Variants in AAAS observed in about 807,000 individuals in gnomAD.
AAAS encodes the protein aladin WD repeat nucleoporin.
In AAAS, 60 loss-of-function variants were observed where a neutral mutation model predicts 75.6. The ratio of observed to expected loss-of-function variants is 0.79; its 90% CI spans 0.64 to 0.98. The LOEUF (loss-of-function observed/expected upper bound fraction) is 0.98, where lower values mean the gene tolerates loss of function less well. Ranked by LOEUF, AAAS falls within the 50% of genes least tolerant of loss-of-function variation. AAAS has a pLI of 0.00. For missense variants in AAAS, 658 were observed against 686.9 expected (o/e 0.96, Z 0.47); for synonymous variants, 271 against 265.0 (o/e 1.02, Z -0.22).
chr12:53,316,937 G>A (rs1026059726), intron 2 of AAAS, among the ~76,000 whole-genome samples: 20 of 151,812 alleles, frequency 1.3e-4, no homozygotes, highest in African/African-American at 4.6e-4. Flanking sequence ...ACAAAACTTA[G>A]GCAGGTGTGG....
rs562064426 is a variant in AAAS at position 53,314,605 on chromosome 12, G to A, written c.545+146C>T. On this transcript the variant is annotated intron_variant, in intron 6 of 15. Coordinates refer to ENST00000209873, the MANE Select transcript of AAAS (RefSeq NM_015665.6). Reference sequence around the variant, plus strand: ...TAAAGGTTAGGTCTAGAAGAAGCACGCATCCAGTTATGGAGCTTCCCTGAC... The same window carrying A: ...TAAAGGTTAGGTCTAGAAGAAGCACACATCCAGTTATGGAGCTTCCCTGAC... 1.4e-4 allele frequency: 187 copies of A among 1,309,358 alleles called. No homozygotes were observed. In the Middle Eastern group the frequency reaches 1.5e-3, roughly 11 times the overall value. 81.1% of individuals were successfully genotyped at this position (1,309,358 alleles called of 1,614,324 possible).
chr12:53,309,684 C>T lies in AAAS; in HGVS notation c.727G>A (p.Gly243Arg). The T allele has an allele frequency of 6.2e-7, 1 of 1,613,308 alleles. No individual in the cohort carries two copies. ...GCCAAGCTGGTAACAGGTGTATGCC[C>T]AGGGTGAGACAGCACTTGGGCACAG... ...SGCAQVLSHP[G>R]HTPVTSLAWA... The change falls in exon 8 of 16, where the codon GGG becomes AGG. Residue 243 changes from glycine to arginine, a missense_variant. Coordinates refer to ENST00000209873, the MANE Select transcript of AAAS (RefSeq NM_015665.6).
rs1170539111 is a variant in AAAS at position 53,320,495 on chromosome 12, G to T, written c.251+70C>A. 5 of 1,596,154 alleles carry T rather than the reference G, an allele frequency of 3.1e-6. No homozygotes were observed. The African/African-American group carries it at 4.0e-5, about 13-fold the overall frequency. On this transcript the variant is annotated intron_variant, in intron 2 of 15. Coordinates refer to ENST00000209873, the MANE Select transcript of AAAS (RefSeq NM_015665.6). ...AAAGTCTTTTGAAGAACACCCCAAGGTAAAGGGGTGTTGACTCATTTTCCA... is the reference window on the plus strand; with the variant it reads ...AAAGTCTTTTGAAGAACACCCCAAGTTAAAGGGGTGTTGACTCATTTTCCA...
At chr12:53,315,229 C>T (rs1944444063) in intron 4 of AAAS, 89 bp from the exon 5 acceptor site, 2 of 1,595,892 alleles carry the variant, frequency 1.3e-6, no homozygotes, top group Admixed American at 1.7e-5. Context: ...CCACTCCTAC[C>T]CTCTGAAGTC....
chr12:53,320,655 G>T lies in AAAS; in HGVS notation c.161C>A (p.Pro54His). ...NLPVLQLTKD[P>H]LKTPGRLDHG... is the part of the protein sequence containing the mutation. ...GTCCAGCCTTCCAGGGGTCTTTAGG[G>T]GATCCTTTGTCAGTTGTAGGACAGG... The change falls in exon 2 of 16, where the codon CCC becomes CAC. Residue 54 changes from proline (P) to histidine (H), a missense_variant. Transcript: ENST00000209873. 1.2e-6 allele frequency: 2 copies of T among 1,614,148 alleles called. No homozygotes were observed. Among genetic ancestry groups the T allele is most frequent in the South Asian group, 1.1e-5 (1 of 91,082 alleles).
chr12:53,314,632 CCA>C, intron 6 of AAAS, 117 bp downstream of exon 6: 1 of 1,335,852 alleles, frequency 7.5e-7, no homozygotes, highest in East Asian at 2.5e-5. Flanking sequence ...TTCCCTGACC[CCA>C]GTTCTGGAAG....
At chr12:53,317,606 G>A (rs1944484440) in intron 2 of AAAS, among the ~76,000 whole-genome samples, 1 of 151,916 alleles carries the variant, frequency 6.6e-6, no homozygotes, top group Non-Finnish European at 1.5e-5. Flanking sequence ...AACCAGGCGT[G>A]GTGGTGTGCA....
chr12:53,309,167 C>A lies in AAAS; in HGVS notation c.925G>T (p.Ala309Ser). ...GSKILATTPS[A>S]VFRVWEAQMW... ...CCTTGTCCCACTCACCGAAAGACAGCTGAAGGAGTGGTAGCCAGGATTTTG... is the reference window on the plus strand; with the variant it reads ...CCTTGTCCCACTCACCGAAAGACAGATGAAGGAGTGGTAGCCAGGATTTTG... The change falls in exon 9 of 16, where the codon GCT (alanine) becomes TCT (serine). Residue 309 changes from alanine to serine, a missense_variant. Ala to Ser is a moderately conservative substitution (Grantham distance 99, BLOSUM62 1). Coordinates refer to ENST00000209873, the MANE Select transcript of AAAS (RefSeq NM_015665.6). The A allele has an allele frequency of 1.2e-6, 2 of 1,614,204 alleles. No homozygotes were observed. The highest frequency in any genetic ancestry group is 1.7e-6 in the Non-Finnish European group (2 of 1,180,044).
chr12:53,317,316 G>T (rs1329786147), intron 2 of AAAS, among the ~76,000 whole-genome samples: 1 of 152,008 alleles, frequency 6.6e-6, no homozygotes, highest in African/African-American at 2.4e-5. Flanking sequence ...CCAGCACTTT[G>T]GGAGGCTGAG....
At chr12:53,319,727 CAG>C (rs1944521805) in intron 2 of AAAS, among the ~76,000 whole-genome samples, 1 of 146,950 alleles carries the variant, frequency 6.8e-6, no homozygotes, top group Admixed American at 6.9e-5. Flanking sequence ...CTGCTTGAAC[CAG>C]AGAGGCGGAG....
intron 3 of AAAS, 87 bp downstream of exon 3, chr12:53,315,640 T>G: frequency 2.6e-6 from 4 of 1,510,396 alleles, no homozygotes; most frequent in Non-Finnish European, 3.6e-6. Context: ...TAAAAGAGGC[T>G]GAGCCAACAG....
intron 7 of AAAS, among the ~76,000 whole-genome samples, chr12:53,313,102 C>T (rs573568025): frequency 2.0e-5 from 3 of 150,974 alleles, no homozygotes; most frequent in East Asian, 1.9e-4. Flanking sequence ...ATGATCCACC[C>T]GCCTCAGCCT....
At chr12:53,313,670 A>G (rs565952852) in intron 7 of AAAS, among the ~76,000 whole-genome samples, 3 of 150,854 alleles carry the variant, frequency 2.0e-5, no homozygotes, top group Admixed American at 2.0e-4. Flanking sequence ...GTACAGTGGC[A>G]TGATCTTGGC....
Position 53,314,846 on chromosome 12 carries a change from G to C in AAAS, c.450C>G (p.Ser150=). The change falls in exon 6 of 16, where the codon TCC becomes TCG. Residue 150 remains serine (S), a synonymous_variant. Transcript: ENST00000209873. Reference sequence around the variant, plus strand: ...ATGCAAAGACACGCAAGCAGCAGCTGGACCTAAGGAAGGGGTTAACATGAA... The same window carrying C: ...ATGCAAAGACACGCAAGCAGCAGCTCGACCTAAGGAAGGGGTTAACATGAA... The part of the protein sequence containing the change: ...IAEFAQVTNW[S]SCCLRVFAWH... 1 of 1,613,248 alleles carries C rather than the reference G, an allele frequency of 6.2e-7. No homozygotes were observed. The highest frequency in any genetic ancestry group is 8.5e-7 in the Non-Finnish European group (1 of 1,179,650).
chr12:53,319,794 C>T (rs1157300919), intron 2 of AAAS, among the ~76,000 whole-genome samples: 3 of 109,790 alleles, frequency 2.7e-5, no homozygotes, highest in Admixed American at 2.5e-4. Flanking sequence ...CACAGCAAGA[C>T]TCCGTCTCAA....
intron 2 of AAAS, among the ~76,000 whole-genome samples, chr12:53,317,544 G>T (rs540859753): frequency 6.9e-6 from 1 of 144,920 alleles, no homozygotes; most frequent in Non-Finnish European, 1.5e-5. Flanking sequence ...GCAACAGAGC[G>T]AGACTCCGTC....
rs893485073 is a variant in AAAS, at chr12:53,320,468, TAA to T, written c.251+95_251+96del. On this transcript the variant is annotated intron_variant, in intron 2 of 15. Transcript: ENST00000209873. Reference sequence around the variant, plus strand: ...ACAGCTCTCGTGGAGACAGCCTGAATAAAAGTCTTTTGAAGAACACCCCAAGG... The same window carrying T: ...ACAGCTCTCGTGGAGACAGCCTGAATAAGTCTTTTGAAGAACACCCCAAGG... The T allele has an allele frequency of 6.4e-6, 10 of 1,555,022 alleles. No homozygotes were observed. The African/African-American group carries it at 1.1e-4, about 17-fold the overall frequency.
chr12:53,307,522 AG>A lies in AAAS; in HGVS notation c.1607del (p.Pro536LeufsTer15). The A allele has an allele frequency of 6.2e-7, 1 of 1,614,064 alleles. No individual in the cohort carries two copies. The highest frequency in any genetic ancestry group is 8.5e-7 in the Non-Finnish European group (1 of 1,179,942). On this transcript the variant is annotated frameshift_variant, in exon 16 of 16. Coordinates refer to ENST00000209873, the MANE Select transcript of AAAS (RefSeq NM_015665.6). LOFTEE classifies it high-confidence loss of function. ...APWDPLPGPP[P>X]VLPHSPHSHL ...GGGAATGTGGGGAGTGGGGCAGAAC[AG>A]GTGGTGGCCCTGGGAGAGGGTCCCA...
intron 2 of AAAS, among the ~76,000 whole-genome samples, chr12:53,320,212 T>C (rs951532312): frequency 6.6e-6 from 1 of 152,174 alleles, no homozygotes; most frequent in Non-Finnish European, 1.5e-5. Context: ...AGTGCAACCT[T>C]ATATCTGATC....
Sources: gnomAD v4.1 joint callset for allele counts (sites outside exome capture counted in the v4.1 genomes callset) on GRCh38, gnomAD v4.1.1 for gene constraint, MANE v1.5 for transcripts, NCBI Gene and HGNC (gene_info 2026-07-23, HGNC 2026-07-21) for gene names.